The following SRPK2 variants were observed in gnomAD, a reference collection of about 807,000 sequenced individuals.
SRPK2 encodes SRSF protein kinase 2.
SRPK2 carries 21 observed loss-of-function variants against 90.8 expected under a neutral mutation model. That is an observed-to-expected ratio of 0.23 (90% confidence interval 0.16 to 0.33). The LOEUF is 0.33. SRPK2 is among the 10% of genes least tolerant of loss of function. The pLI, the probability that SRPK2 is intolerant of heterozygous loss-of-function variation, is 1.00. For synonymous variants in SRPK2, 288 were observed against 311.1 expected, an observed-to-expected ratio of 0.93 and a Z score of 0.78; for missense variants, 620 against 869.0, an observed-to-expected ratio of 0.71 and a Z score of 3.60.
rs78638369 is a variant in SRPK2 at position 105,234,515 on chromosome 7, C to A, written c.72-30730G>T. ...ATGCTTACTATGTGCCACTTCAACC[C>A]GTAAAATAATGCAGCCAACAAACTA... On this transcript the variant is annotated intron_variant, in intron 2 of 15. Coordinates refer to ENST00000393651, the MANE Select transcript of SRPK2 (RefSeq NM_182692.3). Among the ~76,000 whole-genome samples, 160 of 152,052 alleles carry A rather than the reference C, an allele frequency of 1.1e-3. 1 individual carries two copies. Among genetic ancestry groups the A allele is most frequent in the African/African-American group, 3.8e-3 (156 of 41,476 alleles).
intron 2 of SRPK2, among the ~76,000 whole-genome samples, chr7:105,286,619 C>A (rs1430522944): frequency 6.6e-6 from 1 of 152,144 alleles, no homozygotes; most frequent in African/African-American, 2.4e-5. Flanking sequence ...GGTGGTAACA[C>A]CTAAAAAGTT....
At chr7:105,355,306 C>T (rs374467703) in intron 2 of SRPK2, among the ~76,000 whole-genome samples, 2 of 151,430 alleles carry the variant, frequency 1.3e-5, no homozygotes, top group South Asian at 2.1e-4. Flanking sequence ...GACTAGCCTG[C>T]GCAACACGGC....
At chr7:105,233,888 T>TA (rs1159734762) in intron 2 of SRPK2, among the ~76,000 whole-genome samples, 1 of 151,858 alleles carries the variant, frequency 6.6e-6, no homozygotes, top group Non-Finnish European at 1.5e-5. Flanking sequence ...ATAAAATAAG[T>TA]AAAAAATCAT....
chr7:105,384,202 T>C (rs926821485), intron 2 of SRPK2, among the ~76,000 whole-genome samples: 46 of 152,290 alleles, frequency 3.0e-4, no homozygotes, highest in African/African-American at 1.1e-3. Context: ...AAGGCAAAAA[T>C]TTATCCCAAG....
intron 2 of SRPK2, among the ~76,000 whole-genome samples, chr7:105,249,010 G>C (rs1802118860): frequency 6.6e-6 from 1 of 152,088 alleles, no homozygotes; most frequent in African/African-American, 2.4e-5. Flanking sequence ...CTGTCCACGT[G>C]TGCTAGTTGT....
At chr7:105,335,679 C>T (rs1353546177) in intron 2 of SRPK2, among the ~76,000 whole-genome samples, 3 of 144,334 alleles carry the variant, frequency 2.1e-5, no homozygotes, top group Admixed American at 7.0e-5. Context: ...AGCAGCCGGG[C>T]GCAGTGGCTC....
intron 2 of SRPK2, among the ~76,000 whole-genome samples, chr7:105,348,068 CTTTTT>C (rs770159031): frequency 7.4e-5 from 6 of 80,998 alleles, no homozygotes; most frequent in South Asian, 5.2e-4. Context: ...GCTTGGCAAA[CTTTTT>C]TTTTTTTTTT....
intron 2 of SRPK2, among the ~76,000 whole-genome samples, chr7:105,385,163 C>A (rs559136591): frequency 7.7e-6 from 1 of 130,232 alleles, no homozygotes; most frequent in Non-Finnish European, 1.6e-5. Context: ...TGAGCCACCG[C>A]GCCCGGCATT....
chr7:105,153,857 G>A (rs1806112790), intron 7 of SRPK2, among the ~76,000 whole-genome samples: 1 of 152,104 alleles, frequency 6.6e-6, no homozygotes, highest in Non-Finnish European at 1.5e-5. Context: ...ATTACTTGTG[G>A]GCGTGCGGGA....
intron 2 of SRPK2, among the ~76,000 whole-genome samples, chr7:105,225,219 A>C: frequency 6.6e-6 from 1 of 152,132 alleles, no homozygotes; most frequent in East Asian, 1.9e-4. Context: ...CAAAAAACAA[A>C]ACACCACTGT....
chr7:105,323,318 A>G (rs1813153411), intron 2 of SRPK2, among the ~76,000 whole-genome samples: 1 of 152,236 alleles, frequency 6.6e-6, no homozygotes, highest in African/African-American at 2.4e-5. Flanking sequence ...AAAATTCAAA[A>G]ACAAATGAAG....
chr7:105,374,307 C>CT (rs1820048598), intron 2 of SRPK2, among the ~76,000 whole-genome samples: 1 of 152,128 alleles, frequency 6.6e-6, no homozygotes, highest in South Asian at 2.1e-4. Flanking sequence ...TTTTGTATTG[C>CT]TTTTCTCTTC....
intron 3 of SRPK2, among the ~76,000 whole-genome samples, chr7:105,171,204 C>T (rs950142749): frequency 3.0e-4 from 46 of 152,166 alleles, no homozygotes; most frequent in Admixed American, 1.4e-3. Flanking sequence ...TTCTTCACTT[C>T]GCATTTTTAA....
intron 2 of SRPK2, among the ~76,000 whole-genome samples, chr7:105,340,568 C>G (rs929119790): frequency 6.6e-6 from 1 of 151,956 alleles, no homozygotes; most frequent in Non-Finnish European, 1.5e-5. Context: ...CACACCACCA[C>G]GCCCAGCTAA....
intron 3 of SRPK2, among the ~76,000 whole-genome samples, chr7:105,169,530 C>G (rs1790532351): frequency 6.6e-6 from 1 of 152,074 alleles, no homozygotes; most frequent in African/African-American, 2.4e-5. Context: ...AGTACGAGAC[C>G]AGCCTGGCCA....
At chr7:105,175,013 T>TG (rs1458934224) in intron 3 of SRPK2, among the ~76,000 whole-genome samples, 1 of 151,884 alleles carries the variant, frequency 6.6e-6, no homozygotes, top group Non-Finnish European at 1.5e-5. Flanking sequence ...GGCGTGGTGG[T>TG]GCACGCCTGT....
intron 2 of SRPK2, among the ~76,000 whole-genome samples, chr7:105,345,330 T>C (rs1816332515): frequency 6.6e-6 from 1 of 152,148 alleles, no homozygotes; most frequent in Non-Finnish European, 1.5e-5. Flanking sequence ...TGATGTCAAA[T>C]GTCAAGAGTC....
At chr7:105,216,433 A>C (rs1353402634) in intron 2 of SRPK2, among the ~76,000 whole-genome samples, 1 of 151,726 alleles carries the variant, frequency 6.6e-6, no homozygotes, top group Admixed American at 6.6e-5. Context: ...CCCCCCAAAA[A>C]CTCCTTTCAG....
At chr7:105,331,325 A>AAAC (rs1814338883) in intron 2 of SRPK2, among the ~76,000 whole-genome samples, 1 of 134,458 alleles carries the variant, frequency 7.4e-6, no homozygotes, top group South Asian at 2.6e-4. Flanking sequence ...AAAAAAAAAA[A>AAAC]AAAAAAAAAA....
Sources: gnomAD v4.1 joint callset for allele counts (sites outside exome capture counted in the v4.1 genomes callset) on GRCh38, gnomAD v4.1.1 for gene constraint, MANE v1.5 for transcripts, NCBI Gene and HGNC (gene_info 2026-07-23, HGNC 2026-07-21) for gene names.